The following CPEB2 variants were observed in gnomAD, a reference collection of about 807,000 sequenced individuals.
CPEB2 encodes cytoplasmic polyadenylation element binding protein 2, also known as cytoplasmic polyadenylation element-binding protein 2.
In CPEB2, 56 loss-of-function variants were observed where a neutral mutation model predicts 93.6. The observed-to-expected ratio is 0.60, with a 90% confidence interval of 0.48 to 0.75. The LOEUF (loss-of-function observed/expected upper bound fraction) is 0.75, where lower values mean the gene tolerates loss of function less well. Ranked by LOEUF, CPEB2 falls within the 30% of genes least tolerant of loss-of-function variation. The pLI, the probability that CPEB2 is intolerant of heterozygous loss-of-function variation, is 0.00. For synonymous variants in CPEB2, 764 were observed against 586.3 expected, an observed-to-expected ratio of 1.30 and a Z score of -4.38; for missense variants, 1,579 against 1,395.1, an observed-to-expected ratio of 1.13 and a Z score of -2.10.
rs956863725 is a variant in CPEB2, at chr4:15,003,495, C to T, written c.822C>T (p.Arg274=). ...CCTCGCCGCCTGCAGCCCCGCGGCG[C>T]CGCCACGGAGGCGCGGGCAGCCCTC... ...LPPSPPAAPR[R]RHGGAGSPRK... is the part of the protein sequence containing the mutation. Residue 274 remains arginine, a synonymous_variant, in exon 1 of 12, where the codon CGC becomes CGT. Transcript: ENST00000538197. 3.6e-6 allele frequency: 5 copies of T among 1,404,708 alleles called. No homozygotes were observed. In the Admixed American group the frequency reaches 9.2e-5, roughly 26 times the overall value. The allele number at this position is 1,404,708 out of a possible 1,614,324, so 87.0% of individuals were successfully genotyped here.
At chr4:15,063,550 T>G (rs563790004) in intron 11 of CPEB2, among the ~76,000 whole-genome samples, 3 of 152,242 alleles carry the variant, frequency 2.0e-5, no homozygotes, top group African/African-American at 7.2e-5. Flanking sequence ...GAGGTTCTGC[T>G]GAATTGGTTA....
At chr4:15,053,093 T>C (rs1577455399) in intron 7 of CPEB2, among the ~76,000 whole-genome samples, 1 of 152,140 alleles carries the variant, frequency 6.6e-6, no homozygotes, top group African/African-American at 2.4e-5. Flanking sequence ...CTCGGCTCGC[T>C]GCAAACTCCA....
At position 15,069,941 on chromosome 4, in the gene CPEB2, G is replaced by T. The variant is rs929381669; in HGVS notation, c.*3561G>T. On this transcript the variant is annotated 3_prime_UTR_variant, in exon 12 of 12. Transcript: ENST00000538197. ...TAAAAAGAGAACCCATGCTTTTATG[G>T]ACACTAGGTAAACACCTTCAGCTTA... 5.9e-5 allele frequency: 9 copies of T among 151,428 alleles called. No individual in the cohort carries two copies. The highest frequency in any genetic ancestry group is 1.3e-4 in the Non-Finnish European group (9 of 67,684). 9.4% of individuals were successfully genotyped at this position (151,428 alleles called of 1,614,324 possible). A position where few individuals can be genotyped will look rare whatever the true frequency, so the allele number is the denominator to read the frequency against.
rs919559732 is a variant in CPEB2 at position 15,068,435 on chromosome 4, C to A, written c.*2055C>A. 1 of 152,192 alleles carries A rather than the reference C, an allele frequency of 6.6e-6. No individual in the cohort carries two copies. Among genetic ancestry groups the A allele is most frequent in the Non-Finnish European group, 1.5e-5 (1 of 67,842 alleles). 9.4% of individuals were successfully genotyped at this position (152,192 alleles called of 1,614,324 possible). On this transcript the variant is annotated 3_prime_UTR_variant, in exon 12 of 12. Transcript: ENST00000538197. The stretch of plus-strand genomic sequence containing the variant: ...AACCTTAACCCTGCCAAACCTTGAT[C>A]CATTTTGACATTTGTTATGCACTAT...
Position 15,003,324 on chromosome 4 carries a change from G to T in CPEB2, c.651G>T (p.Pro217=). Residue 217 remains proline, a synonymous_variant, in exon 1 of 12, where the codon CCG becomes CCT. Coordinates refer to ENST00000538197, the MANE Select transcript of CPEB2 (RefSeq NM_001177382.2). ...RFSPPPPPAG[P]LLQPAQLAQR... Reference sequence around the variant, plus strand: ...GCCCGCCGCCGCCGCCAGCCGGCCCGCTCCTCCAGCCGGCGCAGCTCGCTC... The same window carrying T: ...GCCCGCCGCCGCCGCCAGCCGGCCCTCTCCTCCAGCCGGCGCAGCTCGCTC... 7.1e-7 allele frequency: 1 copy of T among 1,415,700 alleles called. No individual in the cohort carries two copies. The highest frequency in any genetic ancestry group is 9.1e-7 in the Non-Finnish European group (1 of 1,099,164). 87.7% of individuals were successfully genotyped at this position (1,415,700 alleles called of 1,614,324 possible).
chr4:15,023,854 A>G (rs962546073), intron 4 of CPEB2, among the ~76,000 whole-genome samples: 2 of 151,982 alleles, frequency 1.3e-5, no homozygotes, highest in African/African-American at 4.8e-5. Flanking sequence ...ATATGACTTA[A>G]TATCCTTCAA....
intron 4 of CPEB2, among the ~76,000 whole-genome samples, chr4:15,023,812 C>G (rs1725113726): frequency 6.6e-6 from 1 of 151,444 alleles, no homozygotes; most frequent in South Asian, 2.1e-4. Context: ...CCTATATTTC[C>G]TACATTTTAG....
rs1233629718 is a variant in CPEB2, at chr4:15,002,849, T to G, written c.176T>G (p.Leu59Ter). Residue 59 changes from leucine to a stop codon, truncating the protein, a stop_gained, in exon 1 of 12, where the codon TTA becomes TGA. Coordinates refer to ENST00000538197, the MANE Select transcript of CPEB2 (RefSeq NM_001177382.2). LOFTEE classifies it high-confidence loss of function. Reference sequence around the variant, plus strand: ...CCACCGTTGCCTGTCACCGGCTTCTTAGAGGCCGCCTCCCCCTTCTCCGTC... The same window carrying G: ...CCACCGTTGCCTGTCACCGGCTTCTGAGAGGCCGCCTCCCCCTTCTCCGTC... ...SPPPLPVTGF[L>*]EAASPFSVPL... 6.5e-7 allele frequency: 1 copy of G among 1,534,670 alleles called. No homozygotes were observed. Among genetic ancestry groups the G allele is most frequent in the South Asian group, 1.2e-5 (1 of 83,986 alleles).
intron 3 of CPEB2, among the ~76,000 whole-genome samples, chr4:15,013,040 T>C (rs1228204622): frequency 2.6e-5 from 4 of 152,052 alleles, no homozygotes; most frequent in African/African-American, 9.7e-5. Context: ...TTAGTTATTT[T>C]TCAGTGTTTA....
chr4:15,008,241 G>A (rs1723069575), intron 2 of CPEB2, 97 bp from the exon 3 acceptor site: 2 of 832,348 alleles, frequency 2.4e-6, no homozygotes, highest in Non-Finnish European at 4.0e-6. Flanking sequence ...GAGGATTTAA[G>A]ATAGAGCTTT....
At chr4:15,055,722 T>C (rs1163825029) in intron 8 of CPEB2, among the ~76,000 whole-genome samples, 2 of 152,184 alleles carry the variant, frequency 1.3e-5, no homozygotes, top group Non-Finnish European at 2.9e-5. Context: ...AATGCATTCC[T>C]TCTGCCTGGC....
intron 3 of CPEB2, among the ~76,000 whole-genome samples, chr4:15,011,617 C>T (rs913877746): frequency 1.3e-5 from 2 of 152,042 alleles, no homozygotes; most frequent in Non-Finnish European, 2.9e-5. Flanking sequence ...GGCAACATAA[C>T]AAGACACCAC....
chr4:15,041,956 A>G (rs1306197115), intron 6 of CPEB2, among the ~76,000 whole-genome samples: 4 of 152,212 alleles, frequency 2.6e-5, no homozygotes, highest in Non-Finnish European at 4.4e-5. Context: ...CAAGACTTAA[A>G]AAATTGAAGC....
chr4:15,059,137 A>C, intron 9 of CPEB2, 50 bp from the exon 10 acceptor site: 3 of 1,101,850 alleles, frequency 2.7e-6, no homozygotes, highest in Non-Finnish European at 2.7e-6. Flanking sequence ...CAAACAGAAA[A>C]TTCTCATAAG....
chr4:15,063,703 T>A (rs1426587845), intron 11 of CPEB2: 1 of 152,106 alleles, frequency 6.6e-6, no homozygotes, highest in Non-Finnish European at 1.5e-5. Flanking sequence ...TGTTACAGTG[T>A]CATACCTCAT....
chr4:15,058,112 T>C (rs1408588989), intron 8 of CPEB2, among the ~76,000 whole-genome samples: 2 of 152,212 alleles, frequency 1.3e-5, no homozygotes, highest in African/African-American at 4.8e-5. Context: ...GGTGGTACTT[T>C]GATTTTTTTC....
At chr4:15,054,261 T>G (rs1728512991) in intron 8 of CPEB2, 44 bp downstream of exon 8, 2 of 1,391,960 alleles carry the variant, frequency 1.4e-6, no homozygotes, top group Middle Eastern at 1.8e-4. Context: ...ATTGGTTGTA[T>G]GAGAGCAAAA....
Position 15,008,120 on chromosome 4 carries a change from C to CT in CPEB2, c.1945-209dup, listed in dbSNP as rs1234918929. Among the ~76,000 whole-genome samples, 6 of 151,612 alleles carry CT rather than the reference C, an allele frequency of 4.0e-5. No homozygotes were observed. The South Asian group carries it at 1.0e-3, about 26-fold the overall frequency. ...AATGTGGCCTAATACGTTGATTAGA[C>CT]TTTTTTTTTCTTTCAGTATTTTTAT... On this transcript the variant is annotated intron_variant, in intron 2 of 11. Coordinates refer to ENST00000538197, the MANE Select transcript of CPEB2 (RefSeq NM_001177382.2).
intron 6 of CPEB2, among the ~76,000 whole-genome samples, chr4:15,049,892 G>T (rs1728060463): frequency 6.6e-6 from 1 of 152,022 alleles, no homozygotes; most frequent in Non-Finnish European, 1.5e-5. Flanking sequence ...ACTCTGACAG[G>T]CATGTGGTCC....
Sources: allele counts gnomAD v4.1 joint callset (sites outside exome capture counted in the v4.1 genomes callset), GRCh38; gene constraint gnomAD v4.1.1; transcripts MANE v1.5; gene names NCBI Gene and HGNC (gene_info 2026-07-23, HGNC 2026-07-21).